PGS1: variants seen among roughly 807,000 people sequenced by gnomAD.
PGS1 encodes CDP-diacylglycerol--glycerol-3-phosphate 3-phosphatidyltransferase, mitochondrial.
A neutral mutation model predicts 58.3 loss-of-function variants in PGS1; 44 were observed. The observed-to-expected ratio is 0.75, with a 90% CI of 0.59 to 0.97. PGS1 has a LOEUF of 0.97. Ranked by LOEUF, PGS1 falls within the 50% of genes least tolerant of loss-of-function variation. The pLI, the probability that PGS1 is intolerant of heterozygous loss-of-function variation, is 0.00. For synonymous variants in PGS1, 330 were observed against 311.0 expected (o/e 1.06, Z -0.64); for missense variants, 684 against 731.1 (o/e 0.94, Z 0.74).
chr17:78,408,879 G>A (rs963462195), intron 7 of PGS1, among the ~76,000 whole-genome samples: 1 of 152,192 alleles, frequency 6.6e-6, no homozygotes, highest in Non-Finnish European at 1.5e-5. Context: ...GACTCTTAAC[G>A]GGAAGTGCCT....
intron 7 of PGS1, 48 bp downstream of exon 7, chr17:78,404,137 A>G (rs568551426): frequency 1.0e-4 from 150 of 1,466,810 alleles, no homozygotes; most frequent in South Asian, 7.8e-4. Flanking sequence ...ACAGCCACAA[A>G]CATGGGCAGG....
chr17:78,419,330 A>G (rs1295339235), intron 8 of PGS1, among the ~76,000 whole-genome samples: 1 of 152,218 alleles, frequency 6.6e-6, no homozygotes, highest in African/African-American at 2.4e-5. Context: ...CTTTAGGAAC[A>G]CGGCTTCTTA....
chr17:78,382,133 C>T (rs2082078085), intron 1 of PGS1, among the ~76,000 whole-genome samples: 1 of 151,996 alleles, frequency 6.6e-6, no homozygotes, highest in South Asian at 2.1e-4. Context: ...AGTGGATGTT[C>T]AAGAAGTGAT....
At position 78,395,095 on chromosome 17, in the gene PGS1, C is replaced by T. The variant is rs547276927; in HGVS notation, c.334-1213C>T. Among the ~76,000 whole-genome samples, 11 of 152,266 alleles carry T rather than the reference C, an allele frequency of 7.2e-5. No individual in the cohort carries two copies. In the East Asian group the frequency reaches 9.6e-4, roughly 13 times the overall value. ...CAGATTCTTCTGGTTTGTGTCACAC[C>T]GAGTAGCACGTGTTTCTTCCCAGGG... On this transcript the variant is annotated intron_variant, in intron 2 of 9. Transcript: ENST00000262764.
chr17:78,421,901 G>T (rs1424386612), intron 9 of PGS1: 1 of 95,960 alleles, frequency 1.0e-5, no homozygotes, highest in Non-Finnish European at 2.2e-5. Context: ...AGAGAGCAGC[G>T]GGCGGCGGGC....
rs574119921 is a variant in PGS1, at chr17:78,395,265, C to T, written c.334-1043C>T. Reference sequence around the variant, plus strand: ...TTGTCTTATGCCTTATTTATTTTTTCCCTTTCTTTATAATCATCACCCCCA... The same window carrying T: ...TTGTCTTATGCCTTATTTATTTTTTTCCTTTCTTTATAATCATCACCCCCA... On this transcript the variant is annotated intron_variant, in intron 2 of 9. Coordinates refer to ENST00000262764, the MANE Select transcript of PGS1 (RefSeq NM_024419.5). 3.9e-5 allele frequency among the ~76,000 whole-genome samples: 6 copies of T among 152,276 alleles called. No individual in the cohort carries two copies. The East Asian group carries it at 1.2e-3, about 29-fold the overall frequency.
intron 7 of PGS1, among the ~76,000 whole-genome samples, chr17:78,406,781 C>T (rs1287870868): frequency 6.6e-6 from 1 of 152,252 alleles, no homozygotes; most frequent in African/African-American, 2.4e-5. Flanking sequence ...CCCACACTGT[C>T]GTGTGCTGGA....
chr17:78,386,848 A>G (rs555232771), intron 1 of PGS1, among the ~76,000 whole-genome samples: 1 of 152,134 alleles, frequency 6.6e-6, no homozygotes, highest in Non-Finnish European at 1.5e-5. Flanking sequence ...GTTCTGTCTG[A>G]TGTGAAAGAA....
chr17:78,380,526 A>G (rs1294910605), intron 1 of PGS1, among the ~76,000 whole-genome samples: 1 of 152,224 alleles, frequency 6.6e-6, no homozygotes, highest in Non-Finnish European at 1.5e-5. Context: ...TGTAAAAGAA[A>G]TGGCCTCTGC....
chr17:78,390,328 G>T (rs1384708590), intron 1 of PGS1, among the ~76,000 whole-genome samples: 69 of 147,910 alleles, frequency 4.7e-4, no homozygotes, highest in African/African-American at 1.7e-3. Context: ...ACGGGGGTGG[G>T]GGAGGAACAG....
chr17:78,415,147 CA>C, intron 8 of PGS1, 120 bp downstream of exon 8: 1 of 1,163,708 alleles, frequency 8.6e-7, no homozygotes, highest in South Asian at 1.4e-5. Flanking sequence ...AGACTCAGAG[CA>C]GAGCAAGAAA....
chr17:78,393,206 G>A (rs1372234068), intron 2 of PGS1, among the ~76,000 whole-genome samples: 1 of 151,902 alleles, frequency 6.6e-6, no homozygotes, highest in Non-Finnish European at 1.5e-5. Context: ...GACTACAGGC[G>A]CCTGCCACCA....
intron 1 of PGS1, 53 bp downstream of exon 1, chr17:78,378,861 C>T: frequency 3.0e-6 from 4 of 1,352,148 alleles, no homozygotes; most frequent in Non-Finnish European, 3.8e-6. Flanking sequence ...CAGCCCGGCC[C>T]CCCGGCGCTC....
At chr17:78,390,307 C>T (rs2082728377) in intron 1 of PGS1, among the ~76,000 whole-genome samples, 1 of 132,662 alleles carries the variant, frequency 7.5e-6, no homozygotes, top group African/African-American at 2.9e-5. Context: ...GTGTCATCAC[C>T]CCCTCTAGAG....
intron 1 of PGS1, among the ~76,000 whole-genome samples, chr17:78,384,901 C>T (rs934456830): frequency 2.0e-5 from 3 of 152,178 alleles, no homozygotes; most frequent in Admixed American, 1.3e-4. Flanking sequence ...GTGTAGACCG[C>T]GGTGTAATTC....
At chr17:78,407,706 C>A (rs917283224) in intron 7 of PGS1, among the ~76,000 whole-genome samples, 1 of 152,264 alleles carries the variant, frequency 6.6e-6, no homozygotes, top group Non-Finnish European at 1.5e-5. Flanking sequence ...GATTCTAGAT[C>A]CTTGCCCCTC....
chr17:78,418,179 C>T (rs2085368585), intron 8 of PGS1, among the ~76,000 whole-genome samples: 2 of 152,106 alleles, frequency 1.3e-5, no homozygotes, highest in African/African-American at 4.8e-5. Flanking sequence ...ATCCTCCCAC[C>T]TTGGCCTCCC....
At chr17:78,388,747 A>G (rs2082589168) in intron 1 of PGS1, among the ~76,000 whole-genome samples, 1 of 152,082 alleles carries the variant, frequency 6.6e-6, no homozygotes, top group Non-Finnish European at 1.5e-5. Flanking sequence ...ACTGGAGGAG[A>G]ATGCTGCAGA....
chr17:78,395,690 A>G (rs1326328446), intron 2 of PGS1, among the ~76,000 whole-genome samples: 1 of 152,192 alleles, frequency 6.6e-6, no homozygotes, highest in South Asian at 2.1e-4. Flanking sequence ...CTATGTTTCA[A>G]GAGTGATTCG....
Sources: gnomAD v4.1 joint callset for allele counts (sites outside exome capture counted in the v4.1 genomes callset) on GRCh38, gnomAD v4.1.1 for gene constraint, MANE v1.5 for transcripts, NCBI Gene and HGNC (gene_info 2026-07-23, HGNC 2026-07-21) for gene names.